The following PDE2A variants were observed in gnomAD, a reference collection of about 807,000 sequenced individuals.
PDE2A encodes cGMP-dependent 3',5'-cyclic phosphodiesterase.
In PDE2A, 53 loss-of-function variants were observed where a neutral mutation model predicts 133.6. The ratio of observed to expected loss-of-function variants is 0.40; its 90% CI spans 0.32 to 0.50. The LOEUF (loss-of-function observed/expected upper bound fraction) is 0.50. Among genes scored for constraint, PDE2A ranks in the 20% least tolerant of loss-of-function variants. The pLI, the probability that PDE2A is intolerant of heterozygous loss-of-function variation, is 0.73. For synonymous variants in PDE2A, 491 were observed against 490.2 expected (o/e 1.00, Z -0.02); for missense variants, 796 against 1,232.4 (o/e 0.65, Z 5.30).
At chr11:72,664,363 G>GTTTTTT (rs1565198393) in intron 1 of PDE2A, among the ~76,000 whole-genome samples, 22 of 92,340 alleles carry the variant, frequency 2.4e-4, no homozygotes, top group Middle Eastern at 5.8e-3. Context: ...CCCCTTGAAG[G>GTTTTTT]ATTTTTTTTT....
intron 19 of PDE2A, 22 bp from the exon 20 acceptor site, chr11:72,583,537 G>C: frequency 6.5e-7 from 1 of 1,531,728 alleles, no homozygotes; most frequent in South Asian, 1.1e-5. Context: ...AGGGAAAGAT[G>C]GGGCTCAAGG....
At position 72,584,191 on chromosome 11, in the gene PDE2A, C is replaced by G; in HGVS notation, c.1650+10G>C. The G allele has an allele frequency of 2.0e-6, 3 of 1,481,622 alleles. No homozygotes were observed. Among genetic ancestry groups the G allele is most frequent in the Non-Finnish European group, 2.8e-6 (3 of 1,062,024 alleles). 91.8% of individuals were successfully genotyped at this position (1,481,622 alleles called of 1,614,324 possible). The stretch of plus-strand genomic sequence containing the variant: ...ATCACCCCACACCCCACTCCCAACC[C>G]CGCCCTCACATGGGCGATGCTGATG... On this transcript the variant is annotated intron_variant, in intron 19 of 30. Transcript: ENST00000334456.
chr11:72,631,919 G>A (rs1045869296), intron 2 of PDE2A, among the ~76,000 whole-genome samples: 7 of 152,226 alleles, frequency 4.6e-5, no homozygotes, highest in Admixed American at 2.0e-4. Context: ...TCGGACAGGC[G>A]GTGGGATATT....
At chr11:72,598,639 T>G in intron 4 of PDE2A, 3 of 1,289,012 alleles carry the variant, frequency 2.3e-6, no homozygotes, top group Non-Finnish European at 3.0e-6. Flanking sequence ...GGGAACTGTG[T>G]GCATACAGGG....
intron 16 of PDE2A, 40 bp from the exon 17 acceptor site, chr11:72,584,984 C>A: frequency 6.3e-7 from 1 of 1,588,392 alleles, no homozygotes; most frequent in Non-Finnish European, 8.6e-7. Flanking sequence ...GCCTGACAAC[C>A]CCCTCTGATC....
rs1272709245 is a variant in PDE2A, at chr11:72,590,319, G to A, written c.704-75C>T. 2.0e-6 allele frequency: 3 copies of A among 1,538,202 alleles called. No individual in the cohort carries two copies. The highest frequency in any genetic ancestry group is 2.6e-6 in the Non-Finnish European group (3 of 1,136,258). ...GTCCGGGTCCCTCAGGCGCCGCTCA[G>A]CTCCGCGCCGGGCCCGCCGCCGGCT... On this transcript the variant is annotated intron_variant, in intron 8 of 30. Coordinates refer to ENST00000334456, the MANE Select transcript of PDE2A (RefSeq NM_002599.5). The surrounding 1 kb of genome is among the most constrained non-coding windows in gnomAD (Gnocchi z 4.8).
chr11:72,654,425 A>T (rs1854834710), intron 1 of PDE2A, among the ~76,000 whole-genome samples: 1 of 152,156 alleles, frequency 6.6e-6, no homozygotes, highest in Non-Finnish European at 1.5e-5. Flanking sequence ...AGGCCAGTGC[A>T]GGTGGGAGAG....
At chr11:72,633,260 A>G (rs1187966064) in intron 2 of PDE2A, among the ~76,000 whole-genome samples, 1 of 151,868 alleles carries the variant, frequency 6.6e-6, no homozygotes, top group African/African-American at 2.4e-5. Context: ...TTTAGGGAAG[A>G]CTCAGCCTCT....
chr11:72,598,937 C>T (rs768118463), intron 4 of PDE2A: 151 of 985,412 alleles, frequency 1.5e-4, no homozygotes, highest in Non-Finnish European at 1.8e-4. Context: ...CATTGCCAGT[C>T]ACCCCGGGAA....
intron 4 of PDE2A, among the ~76,000 whole-genome samples, chr11:72,601,925 G>T (rs75926779): frequency 6.6e-6 from 1 of 152,122 alleles, no homozygotes; most frequent in African/African-American, 2.4e-5. Flanking sequence ...GCATCGGATT[G>T]TGATTGCAGC....
chr11:72,626,339 T>G (rs916883210), intron 2 of PDE2A, among the ~76,000 whole-genome samples: 4 of 152,196 alleles, frequency 2.6e-5, no homozygotes, highest in Admixed American at 6.5e-5. Flanking sequence ...GCCCCGGGCC[T>G]GTGCAGCCCA....
In PDE2A at chr11:72,586,168, C is replaced by A; in HGVS notation, c.1084G>T (p.Asp362Tyr). The change falls in exon 14 of 31, where the codon GAC becomes TAC. Residue 362 changes from aspartate to tyrosine, a missense_variant. By Grantham distance (160) the Asp-to-Tyr change is radical. This residue lies in a region of PDE2A where 417 missense variants were observed against 475.3 expected (regional missense o/e 0.88). Transcript: ENST00000334456. ...KLEGDLFTDEDEHVIQHCFHY... is the reference protein window; with the variant it reads ...KLEGDLFTDEYEHVIQHCFHY... ...AAGCAGTGCTGGATCACATGCTCGT[C>A]CTCGTCGGTGAACCTGGAGGAGGGG... The A allele has an allele frequency of 6.2e-7, 1 of 1,609,702 alleles. No individual in the cohort carries two copies. The highest frequency in any genetic ancestry group is 8.5e-7 in the Non-Finnish European group (1 of 1,177,054).
intron 4 of PDE2A, among the ~76,000 whole-genome samples, chr11:72,603,190 C>A (rs988471469): frequency 2.6e-5 from 4 of 152,228 alleles, no homozygotes; most frequent in African/African-American, 9.6e-5. Flanking sequence ...CCCTGGCCCT[C>A]CTCCTGGAAT....
intron 3 of PDE2A, among the ~76,000 whole-genome samples, chr11:72,605,829 G>A (rs1470688223): frequency 6.6e-6 from 1 of 150,878 alleles, no homozygotes. Flanking sequence ...GAGTGGGCAG[G>A]GTGCAGAATG....
At chr11:72,655,683 A>G (rs141882462) in intron 1 of PDE2A, among the ~76,000 whole-genome samples, 11 of 152,286 alleles carry the variant, frequency 7.2e-5, no homozygotes, top group African/African-American at 2.6e-4. Flanking sequence ...CTGTATCTCT[A>G]CAGTGGAGTG....
intron 2 of PDE2A, among the ~76,000 whole-genome samples, chr11:72,620,319 AG>A (rs1304665881): frequency 1.3e-5 from 2 of 152,178 alleles, no homozygotes; most frequent in African/African-American, 4.8e-5. Flanking sequence ...TCCCTCCCCA[AG>A]GCCCAGGAGA....
rs1855964400 is a variant in PDE2A, at chr11:72,586,180, A to G, written c.1072T>C (p.Phe358Leu). The G allele has an allele frequency of 1.9e-6, 3 of 1,586,952 alleles. No homozygotes were observed. Among genetic ancestry groups the G allele is most frequent in the Non-Finnish European group, 2.6e-6 (3 of 1,157,610 alleles). Residue 358 changes from phenylalanine to leucine, a missense_variant and splice_region_variant, in exon 14 of 31, where the codon TTC becomes CTC. Physicochemically the swap from Phe to Leu is conservative, Grantham distance 22. Around this residue, in one of 7 missense-constraint regions of PDE2A, gnomAD observed 417 missense variants for 475.3 expected, o/e 0.88. Transcript: ENST00000334456. ...ATCACATGCTCGTCCTCGTCGGTGA[A>G]CCTGGAGGAGGGGGTGGGCTCACTC... ...CAFNKLEGDLFTDEDEHVIQH... is the reference protein window; with the variant it reads ...CAFNKLEGDLLTDEDEHVIQH...
chr11:72,590,959 T>C lies in PDE2A; in HGVS notation c.549+338A>G. On this transcript the variant is annotated intron_variant, in intron 7 of 30. Transcript: ENST00000334456. This position sits in a 1 kb window ranked among gnomAD's most constrained non-coding sequence, Gnocchi z 4.8. ...CAGTATCATTATGTGGAGGGTTCTT[T>C]CTAAGTACAGATGCTCCTGGACTTA... 2.8e-6 allele frequency: 1 copy of C among 351,444 alleles called. No individual in the cohort carries two copies. Among genetic ancestry groups the C allele is most frequent in the East Asian group, 5.0e-5 (1 of 20,082 alleles). The allele number at this position is 351,444 out of a possible 1,614,324, so 21.8% of individuals were successfully genotyped here.
At chr11:72,594,320 T>C (rs1289346113) in intron 6 of PDE2A, among the ~76,000 whole-genome samples, 2 of 152,226 alleles carry the variant, frequency 1.3e-5, no homozygotes, top group Non-Finnish European at 2.9e-5. Flanking sequence ...TGGCTCTCCA[T>C]CTTCCTTCTG....
Sources: gnomAD v4.1 joint callset for allele counts (sites outside exome capture counted in the v4.1 genomes callset) on GRCh38, gnomAD v4.1.1 for gene constraint, gnomAD v4.1.1 regional missense constraint, Gnocchi (gnomAD v3.1) non-coding constraint, MANE v1.5 for transcripts, NCBI Gene and HGNC (gene_info 2026-07-23, HGNC 2026-07-21) for gene names.